DPP10: variants seen among roughly 807,000 people sequenced by gnomAD.
The protein encoded by DPP10 is inactive dipeptidyl peptidase 10.
A neutral mutation model predicts 120.9 loss-of-function variants in DPP10; 33 were observed. The observed-to-expected ratio is 0.27, with a 90% CI of 0.21 to 0.37. The LOEUF (loss-of-function observed/expected upper bound fraction) is 0.37. Ranked by LOEUF, DPP10 falls within the 10% of genes least tolerant of loss-of-function variation. The pLI is 1.00. For synonymous variants in DPP10, 337 were observed against 326.1 expected, an observed-to-expected ratio of 1.03 and a Z score of -0.36; for missense variants, 816 against 942.8, an observed-to-expected ratio of 0.87 and a Z score of 1.76.
At position 114,997,176 on chromosome 2, in the gene DPP10, T is replaced by G. The variant is rs192728327; in HGVS notation, c.61-312063T>G. Among the ~76,000 whole-genome samples, 313 of 151,766 alleles carry G rather than the reference T, an allele frequency of 2.1e-3. 2 individuals are homozygous for G. The highest frequency in any genetic ancestry group is 7.4e-3 in the African/African-American group (306 of 41,384). Reference sequence around the variant, plus strand: ...AACTATTAAATCACTTATAAGAAACTTAAATGTCACAATAAGATACCAACT... The same window carrying G: ...AACTATTAAATCACTTATAAGAAACGTAAATGTCACAATAAGATACCAACT... On this transcript the variant is annotated intron_variant, in intron 1 of 25. Coordinates refer to ENST00000410059, the MANE Select transcript of DPP10 (RefSeq NM_020868.6).
At chr2:114,563,603 A>G (rs1688945266) in intron 1 of DPP10, among the ~76,000 whole-genome samples, 3 of 152,198 alleles carry the variant, frequency 2.0e-5, no homozygotes, top group Admixed American at 2.0e-4. Context: ...GACATCTGCT[A>G]TTTACTCCCT....
chr2:115,760,697 T>G (rs942017655), intron 11 of DPP10, among the ~76,000 whole-genome samples: 5 of 152,176 alleles, frequency 3.3e-5, no homozygotes, highest in Non-Finnish European at 7.4e-5. Context: ...TACTAGAAAA[T>G]TCATCTCTTT....
At chr2:114,701,385 G>T (rs1573998255) in intron 1 of DPP10, among the ~76,000 whole-genome samples, 1 of 152,196 alleles carries the variant, frequency 6.6e-6, no homozygotes, top group Non-Finnish European at 1.5e-5. Flanking sequence ...ATTAGATGAG[G>T]CAGGATTTGA....
At chr2:115,268,840 T>C (rs2059569367) in intron 1 of DPP10, among the ~76,000 whole-genome samples, 1 of 152,212 alleles carries the variant, frequency 6.6e-6, no homozygotes, top group Non-Finnish European at 1.5e-5. Flanking sequence ...AAGAAGTCTT[T>C]TTTATCCAGT....
chr2:115,162,512 T>C (rs895083778), intron 1 of DPP10, among the ~76,000 whole-genome samples: 9 of 152,140 alleles, frequency 5.9e-5, no homozygotes, highest in Non-Finnish European at 1.2e-4. Context: ...TTCCCTCTGC[T>C]TTCTTGTTTC....
At chr2:115,329,299 C>T (rs1343542277) in intron 2 of DPP10, among the ~76,000 whole-genome samples, 1 of 151,688 alleles carries the variant, frequency 6.6e-6, no homozygotes, top group Admixed American at 6.6e-5. Flanking sequence ...TATGAAAGTC[C>T]CATTTTGGAA....
At chr2:115,669,206 G>C (rs12479191) in intron 5 of DPP10, among the ~76,000 whole-genome samples, 5,298 of 152,146 alleles carry the variant, frequency 0.035, 232 homozygotes, top group African/African-American at 0.098. Flanking sequence ...TTTGGTTTTG[G>C]CTATCAGTTG....
intron 1 of DPP10, among the ~76,000 whole-genome samples, chr2:114,577,252 A>G (rs58747399): frequency 0.029 from 4,462 of 152,304 alleles, 258 homozygotes; most frequent in East Asian, 0.25. Flanking sequence ...CATCTTATAA[A>G]TAGGGAAGTT....
At chr2:115,827,606 AT>A (rs1399233725) in intron 21 of DPP10, among the ~76,000 whole-genome samples, 1 of 150,124 alleles carries the variant, frequency 6.7e-6, no homozygotes, top group African/African-American at 2.4e-5. Context: ...ATTTTATTTT[AT>A]TTTTTTGAGA....
chr2:114,874,110 G>C (rs1338251234), intron 1 of DPP10, among the ~76,000 whole-genome samples: 2 of 152,178 alleles, frequency 1.3e-5, no homozygotes, highest in Non-Finnish European at 2.9e-5. Context: ...TTTTGGAAGA[G>C]ATGGAGCCAG....
At chr2:114,666,566 A>G (rs1422696798) in intron 1 of DPP10, among the ~76,000 whole-genome samples, 5 of 152,210 alleles carry the variant, frequency 3.3e-5, no homozygotes, top group African/African-American at 7.2e-5. Context: ...GCCCTCAGCC[A>G]TGTTAGAATT....
At chr2:115,226,835 C>T (rs948658745) in intron 1 of DPP10, among the ~76,000 whole-genome samples, 1 of 152,036 alleles carries the variant, frequency 6.6e-6, no homozygotes, top group Non-Finnish European at 1.5e-5. Context: ...TCAGATTTTG[C>T]GTGTTGTTAA....
intron 1 of DPP10, among the ~76,000 whole-genome samples, chr2:114,761,408 T>C (rs1386093957): frequency 6.6e-6 from 1 of 152,182 alleles, no homozygotes; most frequent in Non-Finnish European, 1.5e-5. Context: ...CATTCCAGAA[T>C]AGTAGAGGCA....
At chr2:115,481,079 G>C (rs182254069) in intron 3 of DPP10, among the ~76,000 whole-genome samples, 10 of 152,230 alleles carry the variant, frequency 6.6e-5, no homozygotes, top group Admixed American at 5.2e-4. Context: ...AGTAAGATGA[G>C]ATATGTGAGC....
chr2:114,624,842 A>G (rs1422625803), intron 1 of DPP10, among the ~76,000 whole-genome samples: 2 of 151,954 alleles, frequency 1.3e-5, no homozygotes, highest in African/African-American at 2.4e-5. Context: ...CACATCATCC[A>G]TCTTCAACAG....
intron 1 of DPP10, among the ~76,000 whole-genome samples, chr2:114,776,456 CT>C (rs1360590465): frequency 6.6e-6 from 1 of 152,114 alleles, no homozygotes; most frequent in Non-Finnish European, 1.5e-5. Flanking sequence ...AGAAAATAGA[CT>C]CCTAGCTTTT....
intron 1 of DPP10, among the ~76,000 whole-genome samples, chr2:114,623,078 T>C (rs1558941201): frequency 1.3e-5 from 2 of 152,036 alleles, no homozygotes; most frequent in Non-Finnish European, 2.9e-5. Context: ...GTAGAGGTGT[T>C]ACATAGGAGA....
intron 1 of DPP10, among the ~76,000 whole-genome samples, chr2:115,189,812 C>A (rs544423295): frequency 6.6e-6 from 1 of 152,254 alleles, no homozygotes. Context: ...AACGAGTACA[C>A]CTTCTACGCT....
intron 1 of DPP10, among the ~76,000 whole-genome samples, chr2:114,731,480 G>T (rs1045769273): frequency 1.3e-5 from 2 of 152,266 alleles, no homozygotes; most frequent in Admixed American, 1.3e-4. Flanking sequence ...GGTGTTTACA[G>T]TGTACCTTCC....
Sources: allele counts gnomAD v4.1 joint callset (sites outside exome capture counted in the v4.1 genomes callset), GRCh38; gene constraint gnomAD v4.1.1; transcripts MANE v1.5; gene names NCBI Gene and HGNC (gene_info 2026-07-23, HGNC 2026-07-21).